The following SNX31 variants were observed in gnomAD, a reference collection of about 807,000 sequenced individuals.
The protein encoded by SNX31 is sorting nexin-31.
A neutral mutation model predicts 65.4 loss-of-function variants in SNX31; 58 were observed. The ratio of observed to expected loss-of-function variants is 0.89; its 90% CI spans 0.72 to 1.10. The LOEUF is 1.10. Among genes scored for constraint, SNX31 ranks in the 50% least tolerant of loss-of-function variants. The probability of loss-of-function intolerance (pLI) is 0.00; values close to 1 mark genes in which losing one functional copy is unlikely to be tolerated. For missense variants in SNX31, 523 were observed against 529.7 expected, an observed-to-expected ratio of 0.99 and a Z score of 0.12; for synonymous variants, 181 against 190.1, an observed-to-expected ratio of 0.95 and a Z score of 0.39.
rs1158139815 is a variant in SNX31, at chr8:100,612,605, T to C, written c.523+390A>G. 1.3e-5 allele frequency among the ~76,000 whole-genome samples: 2 copies of C among 152,236 alleles called. No individual in the cohort carries two copies. Among genetic ancestry groups the C allele is most frequent in the Non-Finnish European group, 2.9e-5 (2 of 68,046 alleles). ...AAAAAAGAATCTAATAACTCATTGATACCATCCACAAATATTCCTTAACAA... is the reference window on the plus strand; with the variant it reads ...AAAAAAGAATCTAATAACTCATTGACACCATCCACAAATATTCCTTAACAA... On this transcript the variant is annotated intron_variant, in intron 6 of 13. Coordinates refer to ENST00000311812, the MANE Select transcript of SNX31 (RefSeq NM_152628.4). The surrounding 1 kb of genome is among the most constrained non-coding windows in gnomAD (Gnocchi z 4.3).
At chr8:100,650,895 C>A (rs145128976), upstream of SNX31, among the ~76,000 whole-genome samples, 2,830 of 151,016 alleles carry the variant, frequency 0.019, 62 homozygotes, top group East Asian at 0.096. Context: ...TCTGGTTGCC[C>A]AGGCTGGAGT....
In SNX31 at chr8:100,636,018, G is replaced by T; in HGVS notation, c.142-7C>A. 1 of 1,609,526 alleles carries T rather than the reference G, an allele frequency of 6.2e-7. No homozygotes were observed. ...TTCCAAAGACCCGCCTTAGCTGAAA[G>T]ATCCAGGAAACACAGTTAAGGCAGG... On this transcript the variant is annotated splice_region_variant and splice_polypyrimidine_tract_variant and intron_variant, in intron 2 of 13. Transcript: ENST00000311812.
chr8:100,616,536 G>A (rs1817217923), intron 5 of SNX31, among the ~76,000 whole-genome samples: 1 of 152,152 alleles, frequency 6.6e-6, no homozygotes, highest in Non-Finnish European at 1.5e-5. Flanking sequence ...ACTCCCTCAA[G>A]CATCAAGGGC....
intron 4 of SNX31, among the ~76,000 whole-genome samples, chr8:100,621,395 T>A (rs1320753819): frequency 6.6e-6 from 1 of 152,122 alleles, no homozygotes; most frequent in African/African-American, 2.4e-5. Context: ...CCTCTCTCCA[T>A]GTAGAAGAGA....
intron 13 of SNX31, among the ~76,000 whole-genome samples, chr8:100,574,243 G>A (rs1812847894): frequency 6.6e-6 from 1 of 152,148 alleles, no homozygotes; most frequent in African/African-American, 2.4e-5. Flanking sequence ...AACTCTACCT[G>A]TCTTGCCTCT....
chr8:100,588,905 C>T lies in SNX31; in HGVS notation c.1053G>A (p.Glu351=), dbSNP rs756309115. 6.2e-7 allele frequency: 1 copy of T among 1,614,062 alleles called. No individual in the cohort carries two copies. The highest frequency in any genetic ancestry group is 2.2e-5 in the East Asian group (1 of 44,886). ...QNLELRFQYS[E]DSCWQWFVIY... ...TAACAAACCACTGCCAGCAACTATCCTCACTGTATTGAAATCTGAGCTCTA... is the reference window on the plus strand; with the variant it reads ...TAACAAACCACTGCCAGCAACTATCTTCACTGTATTGAAATCTGAGCTCTA... Residue 351 remains glutamate, a synonymous_variant, in exon 11 of 14, where the codon GAG becomes GAA. Transcript: ENST00000311812. The surrounding 1 kb of genome is among the most constrained non-coding windows in gnomAD (Gnocchi z 4.8).
At chr8:100,619,429 A>G (rs1229502874) in intron 4 of SNX31, among the ~76,000 whole-genome samples, 3 of 152,206 alleles carry the variant, frequency 2.0e-5, no homozygotes, top group African/African-American at 7.2e-5. Context: ...AGCATCCTGC[A>G]AGGGGAAGGA....
At chr8:100,632,737 A>G (rs185543512) in intron 3 of SNX31, among the ~76,000 whole-genome samples, 27 of 151,736 alleles carry the variant, frequency 1.8e-4, no homozygotes, top group African/African-American at 5.3e-4. Flanking sequence ...GCACCACTGC[A>G]CCCCAGCCTG....
intron 9 of SNX31, among the ~76,000 whole-genome samples, chr8:100,597,651 A>G (rs1815239536): frequency 6.6e-6 from 1 of 152,176 alleles, no homozygotes; most frequent in Non-Finnish European, 1.5e-5. Flanking sequence ...AGAGAAAGAG[A>G]TTTTAGAAAT....
At chr8:100,641,559 AAAAAAAATATATATATAT>A (rs1819186230) in intron 2 of SNX31, among the ~76,000 whole-genome samples, 3 of 31,284 alleles carry the variant, frequency 9.6e-5, no homozygotes, top group South Asian at 1.1e-3. Context: ...AAAAAAAAAA[AAAAAAAATATATATATAT>A]ATATATATAT....
rs1818328012 is a variant in SNX31, at chr8:100,630,321, G to C, written c.321+6C>G. ...TGATGGCCCCATTAAAGAAGAGCAA[G>C]CTTACCAGCTGCGCCAGTTTTAAAA... On this transcript the variant is annotated splice_donor_region_variant and intron_variant, in intron 4 of 13. Transcript: ENST00000311812. The surrounding 1 kb of genome is among the most constrained non-coding windows in gnomAD (Gnocchi z 5.3). 2 of 1,613,336 alleles carry C rather than the reference G, an allele frequency of 1.2e-6. No homozygotes were observed. Among genetic ancestry groups the C allele is most frequent in the Non-Finnish European group, 1.7e-6 (2 of 1,179,664 alleles).
chr8:100,644,481 T>G (rs34006592), intron 2 of SNX31, among the ~76,000 whole-genome samples: 73,965 of 151,602 alleles, frequency 0.49, 18,386 homozygotes, highest in African/African-American at 0.58. Context: ...GCACAGAAAA[T>G]GTGGGGCCAG....
At chr8:100,646,006 G>T (rs78508466) in intron 2 of SNX31, among the ~76,000 whole-genome samples, 9,960 of 152,100 alleles carry the variant, frequency 0.065, 445 homozygotes, top group Non-Finnish European at 0.095. Flanking sequence ...TCTGGAACTC[G>T]CATGACAGAG....
chr8:100,628,100 GA>G (rs1367900407), intron 4 of SNX31, among the ~76,000 whole-genome samples: 1 of 152,206 alleles, frequency 6.6e-6, no homozygotes, highest in Non-Finnish European at 1.5e-5. Flanking sequence ...ACAGGTGCTG[GA>G]GGGGATGTGG....
At chr8:100,597,665 A>C (rs1358988945) in intron 9 of SNX31, among the ~76,000 whole-genome samples, 1 of 152,240 alleles carries the variant, frequency 6.6e-6, no homozygotes, top group Non-Finnish European at 1.5e-5. Context: ...TAGAAATGGC[A>C]ATGAGGGCAC....
chr8:100,604,153 T>A lies in SNX31; in HGVS notation c.682-3712A>T, dbSNP rs1815922175. Among the ~76,000 whole-genome samples, 2 of 152,112 alleles carry A rather than the reference T, an allele frequency of 1.3e-5. No individual in the cohort carries two copies. The highest frequency in any genetic ancestry group is 1.3e-4 in the Admixed American group (2 of 15,278). ...GTAGGTCCAGACAATGAGAGTCGAG[T>A]CTAGACAAGTCTACTCAGTTACACG... On this transcript the variant is annotated intron_variant, in intron 8 of 13. Coordinates refer to ENST00000311812, the MANE Select transcript of SNX31 (RefSeq NM_152628.4). This position sits in a 1 kb window ranked among gnomAD's most constrained non-coding sequence, Gnocchi z 4.3.
rs928067586 is a variant in SNX31, at chr8:100,575,808, A to T, written c.1227+1211T>A. On this transcript the variant is annotated intron_variant, in intron 13 of 13. Coordinates refer to ENST00000311812, the MANE Select transcript of SNX31 (RefSeq NM_152628.4). This position sits in a 1 kb window ranked among gnomAD's most constrained non-coding sequence, Gnocchi z 5.1. ...TAGGACCACTTGGGGAGCTTTTAAAAATTCCATTGCCCAGGCCCCTCAGAC... is the reference window on the plus strand; with the variant it reads ...TAGGACCACTTGGGGAGCTTTTAAATATTCCATTGCCCAGGCCCCTCAGAC... Among the ~76,000 whole-genome samples the T allele has an allele frequency of 6.6e-6, 1 of 152,168 alleles. No individual in the cohort carries two copies. Among genetic ancestry groups the T allele is most frequent in the Non-Finnish European group, 1.5e-5 (1 of 68,014 alleles).
chr8:100,647,109 C>T (rs1382838341), intron 2 of SNX31, among the ~76,000 whole-genome samples: 2 of 152,034 alleles, frequency 1.3e-5, no homozygotes, highest in Non-Finnish European at 2.9e-5. Context: ...ATTATAAATA[C>T]CAATAGCCAT....
At chr8:100,641,589 T>TATACACAC (rs1261040070) in intron 2 of SNX31, among the ~76,000 whole-genome samples, 1 of 22,282 alleles carries the variant, frequency 4.5e-5, no homozygotes, top group African/African-American at 3.6e-4. Context: ...TATATATATA[T>TATACACAC]ATATATACAC....
Sources: gnomAD v4.1 joint callset for allele counts (sites outside exome capture counted in the v4.1 genomes callset) on GRCh38, gnomAD v4.1.1 for gene constraint, Gnocchi (gnomAD v3.1) non-coding constraint, MANE v1.5 for transcripts, NCBI Gene and HGNC (gene_info 2026-07-23, HGNC 2026-07-21) for gene names.